The following UBE3A variants were observed in gnomAD, a reference collection of about 807,000 sequenced individuals.
UBE3A encodes the protein ubiquitin-protein ligase E3A.
In UBE3A, 6 loss-of-function variants were observed where a neutral mutation model predicts 83.4. That is an observed-to-expected ratio of 0.07 (90% CI 0.04 to 0.14). The LOEUF (loss-of-function observed/expected upper bound fraction) is 0.14, where lower values mean the gene tolerates loss of function less well. Ranked by LOEUF, UBE3A falls within the 10% of genes least tolerant of loss-of-function variation. UBE3A has a pLI of 1.00. For synonymous variants in UBE3A, 337 were observed against 355.4 expected (o/e 0.95, Z 0.58); for missense variants, 456 against 1,036.1 (o/e 0.44, Z 7.69).
rs55988027 is a variant in UBE3A, at chr15:25,335,344, T to C, written c.*3793A>G. Reference sequence around the variant, plus strand: ...GGAAAGTGTGTAACACAAGGCCAAATTGGAAAGGTCAGTGAGGGGGCAATC... The same window carrying C: ...GGAAAGTGTGTAACACAAGGCCAAACTGGAAAGGTCAGTGAGGGGGCAATC... On this transcript the variant is annotated 3_prime_UTR_variant, in exon 13 of 13. Coordinates refer to ENST00000648336, the MANE Select transcript of UBE3A (RefSeq NM_130839.5). 0.12 allele frequency: 17,908 copies of C among 152,188 alleles called. 1,125 individuals are homozygous for C. The highest frequency in any genetic ancestry group is 0.23 in the Middle Eastern group (68 of 294). The allele number at this position is 152,188 out of a possible 1,614,324, so 9.4% of individuals were successfully genotyped here. A position where few individuals can be genotyped will look rare whatever the true frequency, so the allele number is the denominator to read the frequency against.
At chr15:25,397,385 C>T (rs896795570) in intron 4 of UBE3A, among the ~76,000 whole-genome samples, 1 of 152,172 alleles carries the variant, frequency 6.6e-6, no homozygotes, top group Admixed American at 6.5e-5. Context: ...TTGGTTTTTA[C>T]TACCAAATGC....
rs148971151 is a variant in UBE3A, at chr15:25,348,346, A to C, written c.2354+6007T>G. Among the ~76,000 whole-genome samples, 264 of 152,274 alleles carry C rather than the reference A, an allele frequency of 1.7e-3. 1 individual carries two copies. Among genetic ancestry groups the C allele is most frequent in the African/African-American group, 6.2e-3 (258 of 41,566 alleles). ...TTAAAACTCAACAGTAAAAAACCAA[A>C]TGGACTCTTGGTTTTTAATCCCAGA... On this transcript the variant is annotated intron_variant, in intron 11 of 12. Transcript: ENST00000648336.
intron 5 of UBE3A, chr15:25,375,076 G>GTTTC (rs1595855333): frequency 4.9e-6 from 1 of 202,950 alleles, no homozygotes; most frequent in East Asian, 1.5e-4. Flanking sequence ...AAAACCCACT[G>GTTTC]TTTCCTCTTT....
chr15:25,383,494 G>A (rs1303334073), intron 4 of UBE3A, among the ~76,000 whole-genome samples: 1 of 151,898 alleles, frequency 6.6e-6, no homozygotes, highest in Non-Finnish European at 1.5e-5. Flanking sequence ...AAAACTAATC[G>A]GGCATGGTGG....
At chr15:25,411,639 T>C (rs2090022108) in intron 2 of UBE3A, among the ~76,000 whole-genome samples, 2 of 152,060 alleles carry the variant, frequency 1.3e-5, no homozygotes, top group Admixed American at 1.3e-4. Context: ...AAATGAAAGC[T>C]ATTATTAATA....
intron 6 of UBE3A, among the ~76,000 whole-genome samples, chr15:25,361,124 CTCT>C (rs1436352611): frequency 6.5e-5 from 6 of 91,872 alleles, no homozygotes; most frequent in Admixed American, 1.7e-4. Flanking sequence ...CATGTCCTTA[CTCT>C]TTTTTTTTTT....
intron 4 of UBE3A, among the ~76,000 whole-genome samples, chr15:25,389,972 TA>T (rs2083961411): frequency 6.6e-6 from 1 of 151,886 alleles, no homozygotes; most frequent in African/African-American, 2.4e-5. Flanking sequence ...ACAACCCAAT[TA>T]AAAAATTGGC....
At chr15:25,384,363 A>G (rs1365899874) in intron 4 of UBE3A, among the ~76,000 whole-genome samples, 1 of 150,622 alleles carries the variant, frequency 6.6e-6, no homozygotes, top group African/African-American at 2.4e-5. Flanking sequence ...CGGGAGGCTG[A>G]GGCAGGAGTT....
At chr15:25,355,535 GTAAAT>G (rs1167325504) in intron 9 of UBE3A, among the ~76,000 whole-genome samples, 1 of 152,116 alleles carries the variant, frequency 6.6e-6, no homozygotes, top group African/African-American at 2.4e-5. Flanking sequence ...ATATACATGT[GTAAAT>G]TAAATGTAAT....
intron 1 of UBE3A, among the ~76,000 whole-genome samples, chr15:25,422,948 T>C (rs999589114): frequency 2.0e-5 from 3 of 151,932 alleles, no homozygotes; most frequent in African/African-American, 4.8e-5. Flanking sequence ...CAGGGAGCTA[T>C]GGTTGCTCCA....
Position 25,334,036 on chromosome 15 carries a change from A to C in UBE3A, c.*5101T>G, listed in dbSNP as rs2073845813. The C allele has an allele frequency of 6.6e-6, 1 of 152,198 alleles. No homozygotes were observed. Among genetic ancestry groups the C allele is most frequent in the Admixed American group, 6.5e-5 (1 of 15,284 alleles). The allele number at this position is 152,198 out of a possible 1,614,324, so 9.4% of individuals were successfully genotyped here. A position where few individuals can be genotyped will look rare whatever the true frequency, so the allele number is the denominator to read the frequency against. The stretch of plus-strand genomic sequence containing the variant: ...TGCTTTCCCCTTAAAATCAGGAACA[A>C]GAAAAAGATGTCTGCTCTTGTCACT... On this transcript the variant is annotated 3_prime_UTR_variant, in exon 13 of 13. Transcript: ENST00000648336.
intron 1 of UBE3A, among the ~76,000 whole-genome samples, chr15:25,415,380 C>T (rs1445489087): frequency 6.6e-6 from 1 of 152,210 alleles, no homozygotes; most frequent in East Asian, 1.9e-4. Context: ...CATCCCAGCA[C>T]TACTGCCCAC....
At chr15:25,395,970 C>A (rs879447578) in intron 4 of UBE3A, among the ~76,000 whole-genome samples, 1 of 151,972 alleles carries the variant, frequency 6.6e-6, no homozygotes, top group Non-Finnish European at 1.5e-5. Context: ...TCTGGAAGGC[C>A]GAGGCAGGCA....
intron 4 of UBE3A, among the ~76,000 whole-genome samples, chr15:25,380,027 C>T (rs760890370): frequency 6.6e-6 from 1 of 151,982 alleles, no homozygotes; most frequent in East Asian, 1.9e-4. Context: ...GTAGGAGTGA[C>T]CCCCTGGGAG....
At chr15:25,401,199 T>G (rs1019838668) in intron 4 of UBE3A, among the ~76,000 whole-genome samples, 21 of 152,186 alleles carry the variant, frequency 1.4e-4, no homozygotes, top group African/African-American at 4.8e-4. Flanking sequence ...AATACACTGT[T>G]GAATTTAGTT....
chr15:25,392,315 T>A (rs905042207), intron 4 of UBE3A, among the ~76,000 whole-genome samples: 2 of 152,212 alleles, frequency 1.3e-5, no homozygotes, highest in African/African-American at 2.4e-5. Context: ...CTTTTGGGTC[T>A]AGGACACTAT....
Position 25,375,745 on chromosome 15 carries a change from C to T in UBE3A, c.81G>A (p.Lys27=), listed in dbSNP as rs937023999. Residue 27 remains lysine, a synonymous_variant, in exon 5 of 13, where the codon AAG becomes AAA. Coordinates refer to ENST00000648336, the MANE Select transcript of UBE3A (RefSeq NM_130839.5). ...GGTGGTAGTAGCGTTCTATTAGATG[C>T]TTTGCAGCTGCTCGCTTCCTGTACC... ...EASRMKRAAA[K]HLIERYYHQL... is the part of the protein sequence containing the mutation. 1.9e-6 allele frequency: 3 copies of T among 1,612,212 alleles called. No homozygotes were observed. The highest frequency in any genetic ancestry group is 3.3e-5 in the Admixed American group (2 of 60,028).
At chr15:25,351,140 TAGTA>T (rs1404954394) in intron 11 of UBE3A, among the ~76,000 whole-genome samples, 1 of 152,176 alleles carries the variant, frequency 6.6e-6, no homozygotes, top group Non-Finnish European at 1.5e-5. Context: ...TTTTGAAAAT[TAGTA>T]AGTAATGGGA....
intron 11 of UBE3A, among the ~76,000 whole-genome samples, chr15:25,340,903 T>C (rs765015782): frequency 2.6e-5 from 4 of 152,166 alleles, no homozygotes; most frequent in Non-Finnish European, 5.9e-5. Context: ...AAGAGAATGA[T>C]TTATCCTGTG....
Sources: allele counts gnomAD v4.1 joint callset (sites outside exome capture counted in the v4.1 genomes callset), GRCh38; gene constraint gnomAD v4.1.1; transcripts MANE v1.5; gene names NCBI Gene and HGNC (gene_info 2026-07-23, HGNC 2026-07-21).